LRP1B: variants seen among roughly 807,000 people sequenced by gnomAD.
LRP1B encodes low-density lipoprotein receptor-related protein 1B.
Under a neutral mutation model 556.6 loss-of-function variants are expected in LRP1B, and 217 were observed. That is an observed-to-expected ratio of 0.39 (90% CI 0.35 to 0.44). The LOEUF (loss-of-function observed/expected upper bound fraction) is 0.44, where lower values mean the gene tolerates loss of function less well. Ranked by LOEUF, LRP1B falls within the 20% of genes least tolerant of loss-of-function variation. The probability of loss-of-function intolerance (pLI) is 1.00; values close to 1 mark genes in which losing one functional copy is unlikely to be tolerated. For missense variants in LRP1B, 5,053 were observed against 5,620.8 expected (o/e 0.90, Z 3.23); for synonymous variants, 2,047 against 1,865.8 (o/e 1.10, Z -2.50).
intron 3 of LRP1B, among the ~76,000 whole-genome samples, chr2:141,333,837 T>C (rs2683852): frequency 0.59 from 89,077 of 151,958 alleles, 27,155 homozygotes; most frequent in African/African-American, 0.7. Flanking sequence ...ATGTATATTC[T>C]TTCACATTTT....
At chr2:141,142,797 G>T (rs567565596) in intron 7 of LRP1B, among the ~76,000 whole-genome samples, 2 of 152,086 alleles carry the variant, frequency 1.3e-5, no homozygotes, top group Admixed American at 6.5e-5. Context: ...CTGTTGAACA[G>T]AGGGAGATTA....
At chr2:141,255,880 G>A (rs1303152053) in intron 3 of LRP1B, among the ~76,000 whole-genome samples, 1 of 151,830 alleles carries the variant, frequency 6.6e-6, no homozygotes, top group African/African-American at 2.4e-5. Flanking sequence ...CTTCAGCAGT[G>A]CTACACTTTA....
At chr2:141,437,904 C>T (rs1680822426) in intron 3 of LRP1B, among the ~76,000 whole-genome samples, 1 of 151,972 alleles carries the variant, frequency 6.6e-6, no homozygotes, top group Non-Finnish European at 1.5e-5. Flanking sequence ...TTACATGTGT[C>T]CTTAATGAGT....
At chr2:140,604,263 C>A (rs1035725398) in intron 41 of LRP1B, among the ~76,000 whole-genome samples, 2 of 151,814 alleles carry the variant, frequency 1.3e-5, no homozygotes, top group African/African-American at 4.8e-5. Context: ...TCCCTCTTAC[C>A]CACTTTTGAG....
chr2:141,712,836 A>ATTTTTTTTTTTTT (rs1192189235), intron 2 of LRP1B, among the ~76,000 whole-genome samples: 9 of 103,342 alleles, frequency 8.7e-5, no homozygotes, highest in East Asian at 2.9e-4. Context: ...TGCCCAGCTA[A>ATTTTTTTTTTTTT]TTTTTTTTTT....
intron 7 of LRP1B, among the ~76,000 whole-genome samples, chr2:141,124,923 T>A (rs765244828): frequency 2.2e-4 from 33 of 152,176 alleles, no homozygotes; most frequent in Admixed American, 1.6e-3. Context: ...GTCTGTTTTC[T>A]GGACCACTAA....
At chr2:141,925,642 A>T (rs1197209400) in intron 1 of LRP1B, among the ~76,000 whole-genome samples, 1 of 152,178 alleles carries the variant, frequency 6.6e-6, no homozygotes, top group Non-Finnish European at 1.5e-5. Context: ...TTTACACTTT[A>T]GCCTGGGGTC....
rs373797797 is a variant in LRP1B, at chr2:140,495,541, C to A, written c.9034+24G>T. 59 of 1,552,552 alleles carry A rather than the reference C, an allele frequency of 3.8e-5. No individual in the cohort carries two copies. In the African/African-American group the frequency reaches 7.3e-4, roughly 19 times the overall value. On this transcript the variant is annotated intron_variant, in intron 56 of 90. Coordinates refer to ENST00000389484, the MANE Select transcript of LRP1B (RefSeq NM_018557.3). ...TCCATATGTATAACTGAGGTTGGAT[C>A]AGTGGGCAAGTTCAATTCGATACCT...
chr2:141,983,404 C>T (rs982618929), intron 1 of LRP1B, among the ~76,000 whole-genome samples: 4 of 152,134 alleles, frequency 2.6e-5, no homozygotes, highest in African/African-American at 9.7e-5. Flanking sequence ...ATGCATTTCA[C>T]CTCTCTTTTA....
chr2:140,426,482 C>T (rs1685660604), intron 66 of LRP1B, among the ~76,000 whole-genome samples: 1 of 152,126 alleles, frequency 6.6e-6, no homozygotes, highest in Non-Finnish European at 1.5e-5. Flanking sequence ...TAACTGATGA[C>T]ATTCCACCAC....
chr2:140,356,277 A>G, intron 75 of LRP1B, 65 bp downstream of exon 75: 9 of 1,508,868 alleles, frequency 6.0e-6, no homozygotes, highest in Non-Finnish European at 7.3e-6. Context: ...CTCACAATTT[A>G]GAAGTCTTGG....
At chr2:141,014,145 T>C (rs746370182) in intron 13 of LRP1B, among the ~76,000 whole-genome samples, 40 of 152,206 alleles carry the variant, frequency 2.6e-4, no homozygotes, top group Non-Finnish European at 4.7e-4. Flanking sequence ...ATCATGTGTA[T>C]TACAAAATTG....
At chr2:141,572,713 T>G (rs1372305388) in intron 2 of LRP1B, among the ~76,000 whole-genome samples, 1 of 151,634 alleles carries the variant, frequency 6.6e-6, no homozygotes, top group Non-Finnish European at 1.5e-5. Flanking sequence ...ATACATAGGC[T>G]CAAAATAAAG....
chr2:140,618,626 A>G (rs947556940), intron 41 of LRP1B, among the ~76,000 whole-genome samples: 1 of 152,172 alleles, frequency 6.6e-6, no homozygotes, highest in South Asian at 2.1e-4. Flanking sequence ...CATAAGAACA[A>G]AAATCTGTTC....
chr2:141,081,503 T>G (rs1699921866), intron 7 of LRP1B, among the ~76,000 whole-genome samples: 1 of 152,148 alleles, frequency 6.6e-6, no homozygotes. Flanking sequence ...TTGCAAGACT[T>G]TCTAAGTAAC....
intron 1 of LRP1B, among the ~76,000 whole-genome samples, chr2:142,059,993 T>C (rs1704844654): frequency 1.3e-5 from 2 of 152,098 alleles, no homozygotes; most frequent in South Asian, 4.1e-4. Context: ...TTTGGAAACA[T>C]TTTACCTTTC....
intron 42 of LRP1B, 120 bp downstream of exon 42, chr2:140,601,330 G>T: frequency 3.2e-6 from 3 of 923,294 alleles, no homozygotes; most frequent in Non-Finnish European, 4.5e-6. Context: ...TTTATGAATT[G>T]TGAAAATAAA....
chr2:142,130,574 A>C (rs1707814058), intron 1 of LRP1B, 74 bp downstream of exon 1: 3 of 1,275,698 alleles, frequency 2.4e-6, no homozygotes, highest in Non-Finnish European at 3.3e-6. Flanking sequence ...TTTCACACTC[A>C]CTTATCTGCA....
intron 3 of LRP1B, among the ~76,000 whole-genome samples, chr2:141,260,645 A>T (rs1684649572): frequency 6.6e-6 from 1 of 152,194 alleles, no homozygotes; most frequent in South Asian, 2.1e-4. Context: ...AGTCAATAGC[A>T]TTATGCTGCT....
Sources: allele counts gnomAD v4.1 joint callset (sites outside exome capture counted in the v4.1 genomes callset), GRCh38; gene constraint gnomAD v4.1.1; transcripts MANE v1.5; gene names NCBI Gene and HGNC (gene_info 2026-07-23, HGNC 2026-07-21).